NMRK1: variants seen among roughly 807,000 people sequenced by gnomAD.
NMRK1 encodes nicotinamide riboside kinase 1, also known as NRK 1.
NMRK1 carries 28 observed loss-of-function variants against 29.9 expected under a neutral mutation model. The observed-to-expected ratio is 0.94, with a 90% CI of 0.69 to 1.28. The LOEUF is 1.28. Among genes scored for constraint, NMRK1 ranks in the 50% most tolerant of loss-of-function variants. The pLI, the probability that NMRK1 is intolerant of heterozygous loss-of-function variation, is 0.00. For synonymous variants in NMRK1, 58 were observed against 73.0 expected (o/e 0.79, Z 1.05); for missense variants, 218 against 233.1 (o/e 0.94, Z 0.42).
At chr9:75,075,222 T>A (rs922983716) in intron 4 of NMRK1, among the ~76,000 whole-genome samples, 2 of 152,234 alleles carry the variant, frequency 1.3e-5, no homozygotes, top group African/African-American at 4.8e-5. Context: ...GTTTTTCTTA[T>A]CAGTTTGTAA....
chr9:75,061,514 A>G lies in NMRK1; in HGVS notation c.*34T>C, dbSNP rs771651964. 35 of 1,584,590 alleles carry G rather than the reference A, an allele frequency of 2.2e-5. No homozygotes were observed. Among genetic ancestry groups the G allele is most frequent in the Non-Finnish European group, 2.9e-5 (33 of 1,156,504 alleles). On this transcript the variant is annotated 3_prime_UTR_variant, in exon 9 of 9. Transcript: ENST00000361092. ...TTAAATTACTCCTTGGAGTTTCCTA[A>G]TTCACTTCAGGAAGGATTTGTTGTG...
rs1270350432 is a variant in NMRK1 at position 75,061,096 on chromosome 9, A to G, written c.*452T>C. Reference sequence around the variant, plus strand: ...ACGGAAAAACATCACAGTGCATAATATATAAGGTCAATGTCTTGTGATACT... The same window carrying G: ...ACGGAAAAACATCACAGTGCATAATGTATAAGGTCAATGTCTTGTGATACT... On this transcript the variant is annotated 3_prime_UTR_variant, in exon 9 of 9. Coordinates refer to ENST00000361092, the MANE Select transcript of NMRK1 (RefSeq NM_017881.3). 1.3e-5 allele frequency: 2 copies of G among 156,888 alleles called. No individual in the cohort carries two copies. The highest frequency in any genetic ancestry group is 1.3e-4 in the Admixed American group (2 of 15,872). 9.7% of individuals were successfully genotyped at this position (156,888 alleles called of 1,614,324 possible).
chr9:75,079,007 A>T (rs1278648611), intron 2 of NMRK1, among the ~76,000 whole-genome samples: 1 of 152,180 alleles, frequency 6.6e-6, no homozygotes, highest in Non-Finnish European at 1.5e-5. Flanking sequence ...ATACCACCAA[A>T]ATGTTCACAG....
intron 4 of NMRK1, among the ~76,000 whole-genome samples, chr9:75,072,350 G>T (rs559578275): frequency 1.3e-4 from 20 of 152,300 alleles, no homozygotes; most frequent in South Asian, 1.2e-3. Context: ...GAGGAACAGT[G>T]AGCAATGGGA....
intron 2 of NMRK1, chr9:75,078,580 T>G (rs1824144412): frequency 1.6e-6 from 2 of 1,259,864 alleles, no homozygotes; most frequent in Non-Finnish European, 2.0e-6. Flanking sequence ...CTGGGGCTCA[T>G]GTCTGTGAAC....
At chr9:75,082,231 A>G (rs1824362521) in intron 2 of NMRK1, among the ~76,000 whole-genome samples, 1 of 152,172 alleles carries the variant, frequency 6.6e-6, no homozygotes, top group African/African-American at 2.4e-5. Context: ...GGATGGTGGC[A>G]GTGAGGGTGA....
chr9:75,086,323 A>G (rs1824628459), intron 1 of NMRK1, among the ~76,000 whole-genome samples: 1 of 152,172 alleles, frequency 6.6e-6, no homozygotes, highest in South Asian at 2.1e-4. Flanking sequence ...GATGTGTCCA[A>G]AGAGTCATCA....
chr9:75,070,071 T>C (rs879622936), intron 4 of NMRK1, 29 bp from the exon 5 acceptor site: 5 of 1,594,706 alleles, frequency 3.1e-6, no homozygotes, highest in African/African-American at 1.4e-5. Context: ...AAATATGCAA[T>C]CAATATAGCA....
chr9:75,077,372 G>T, intron 3 of NMRK1, 118 bp downstream of exon 3: 1 of 888,204 alleles, frequency 1.1e-6, no homozygotes, highest in Non-Finnish European at 1.8e-6. Flanking sequence ...ATTGCACTGA[G>T]CCTAATTTCA....
chr9:75,074,984 C>T (rs1002241526), intron 4 of NMRK1, among the ~76,000 whole-genome samples: 2 of 152,210 alleles, frequency 1.3e-5, no homozygotes, highest in African/African-American at 4.8e-5. Context: ...ACCAATTTAT[C>T]TATATACTTC....
chr9:75,064,202 G>A (rs903654966), intron 8 of NMRK1, among the ~76,000 whole-genome samples: 6 of 152,170 alleles, frequency 3.9e-5, no homozygotes, highest in Non-Finnish European at 7.4e-5. Flanking sequence ...CATGACAAAG[G>A]CTACTTTCAT....
intron 2 of NMRK1, chr9:75,078,428 T>C: frequency 6.5e-7 from 1 of 1,546,814 alleles, no homozygotes; most frequent in Non-Finnish European, 8.7e-7. Context: ...GGCCAGTTAT[T>C]TGTCTCTTCT....
intron 8 of NMRK1, among the ~76,000 whole-genome samples, chr9:75,063,567 G>A (rs145752087): frequency 6.6e-6 from 1 of 152,050 alleles, no homozygotes; most frequent in East Asian, 1.9e-4. Context: ...TTACTCTGTT[G>A]GATAATTTAT....
At chr9:75,082,972 C>T in intron 2 of NMRK1, 115 bp downstream of exon 2, 1 of 779,896 alleles carries the variant, frequency 1.3e-6, no homozygotes, top group South Asian at 1.5e-5. Flanking sequence ...GTGGTCTGCT[C>T]TTCCCCAGGA....
At chr9:75,083,496 T>G (rs1824440838) in intron 1 of NMRK1, among the ~76,000 whole-genome samples, 1 of 152,232 alleles carries the variant, frequency 6.6e-6, no homozygotes, top group South Asian at 2.1e-4. Flanking sequence ...CCTTCACGAT[T>G]CAGTCGCCTG....
At chr9:75,064,590 T>C (rs1417532684) in intron 8 of NMRK1, among the ~76,000 whole-genome samples, 1 of 152,158 alleles carries the variant, frequency 6.6e-6, no homozygotes, top group African/African-American at 2.4e-5. Context: ...TTTAAAATGG[T>C]CCTGAAATTC....
chr9:75,065,899 G>A (rs1317649865), intron 8 of NMRK1, among the ~76,000 whole-genome samples: 1 of 152,174 alleles, frequency 6.6e-6, no homozygotes, highest in Non-Finnish European at 1.5e-5. Flanking sequence ...TCAACTCGTT[G>A]TCAAATCTTG....
At chr9:75,076,325 T>C (rs1222640766) in intron 4 of NMRK1, among the ~76,000 whole-genome samples, 2 of 152,016 alleles carry the variant, frequency 1.3e-5, no homozygotes, top group Non-Finnish European at 2.9e-5. Context: ...AAGTCAGGCA[T>C]AGAAAGACAA....
At chr9:75,070,271 T>A (rs1823624636) in intron 4 of NMRK1, among the ~76,000 whole-genome samples, 1 of 152,150 alleles carries the variant, frequency 6.6e-6, no homozygotes, top group Non-Finnish European at 1.5e-5. Flanking sequence ...AAAAGTAAAG[T>A]ACAGTGAACT....
Sources: gnomAD v4.1 joint callset for allele counts (sites outside exome capture counted in the v4.1 genomes callset) on GRCh38, gnomAD v4.1.1 for gene constraint, MANE v1.5 for transcripts, NCBI Gene and HGNC (gene_info 2026-07-23, HGNC 2026-07-21) for gene names.